SLC2A9: variants seen among roughly 807,000 people sequenced by gnomAD.
The protein encoded by SLC2A9 is solute carrier family 2 member 9.
In SLC2A9, 39 loss-of-function variants were observed where a neutral mutation model predicts 50.6. The ratio of observed to expected loss-of-function variants is 0.77; its 90% confidence interval spans 0.60 to 1.01. The LOEUF is 1.01. SLC2A9 is among the 50% of genes least tolerant of loss of function. The pLI, the probability that SLC2A9 is intolerant of heterozygous loss-of-function variation, is 0.00. For synonymous variants in SLC2A9, 324 were observed against 276.9 expected (o/e 1.17, Z -1.69); for missense variants, 686 against 677.6 (o/e 1.01, Z -0.14).
intron 4 of SLC2A9, among the ~76,000 whole-genome samples, chr4:9,984,833 T>C (rs1009577660): frequency 6.6e-6 from 1 of 152,118 alleles, no homozygotes; most frequent in African/African-American, 2.4e-5. Context: ...AACCAGTCCA[T>C]GTCACATTCA....
intron 3 of SLC2A9, among the ~76,000 whole-genome samples, chr4:9,804,635 T>C (rs1721887046): frequency 6.6e-6 from 1 of 152,174 alleles, no homozygotes. Context: ...ATATCCTGTC[T>C]TTGGCCAAAT....
chr4:9,974,399 G>A (rs893461188), intron 5 of SLC2A9, among the ~76,000 whole-genome samples: 2 of 152,034 alleles, frequency 1.3e-5, no homozygotes, highest in South Asian at 4.1e-4. Flanking sequence ...GAACTGACAG[G>A]GGATTTCAGG....
chr4:9,911,985 T>G (rs1458451152), intron 7 of SLC2A9, among the ~76,000 whole-genome samples: 9 of 152,150 alleles, frequency 5.9e-5, no homozygotes, highest in Non-Finnish European at 1.2e-4. Flanking sequence ...TTCATGTCCT[T>G]TGTAGGGACA....
At chr4:9,829,471 C>CAAA (rs33935471) in intron 11 of SLC2A9, among the ~76,000 whole-genome samples, 6,351 of 135,738 alleles carry the variant, frequency 0.047, 489 homozygotes, top group African/African-American at 0.16. Flanking sequence ...ACAAAAATGT[C>CAAA]AAAAAAAAAA....
chr4:9,967,274 T>A (rs1753191782), intron 5 of SLC2A9, among the ~76,000 whole-genome samples: 1 of 152,214 alleles, frequency 6.6e-6, no homozygotes. Context: ...TACAAAAAGT[T>A]ATAAATGGAA....
intron 4 of SLC2A9, 26 bp downstream of exon 4, chr4:9,985,643 C>T: frequency 5.0e-6 from 8 of 1,613,796 alleles, no homozygotes; most frequent in Non-Finnish European, 6.8e-6. Context: ...TGTTACTGTT[C>T]CCTCCCCGTC....
intron 1 of SLC2A9, chr4:10,019,399 T>C: frequency 2.3e-6 from 1 of 427,672 alleles, no homozygotes; most frequent in East Asian, 4.4e-5. Context: ...TTGGCGAGTG[T>C]CCGACCCAGA....
At chr4:9,910,879 T>A (rs1163340048) in intron 7 of SLC2A9, among the ~76,000 whole-genome samples, 1 of 151,970 alleles carries the variant, frequency 6.6e-6, no homozygotes, top group Non-Finnish European at 1.5e-5. Context: ...ACCATCATTC[T>A]CAGCAAACTA....
At chr4:10,008,533 T>G (rs1400669650) in intron 2 of SLC2A9, among the ~76,000 whole-genome samples, 3 of 152,238 alleles carry the variant, frequency 2.0e-5, no homozygotes, top group Admixed American at 1.3e-4. Context: ...AGCTCCACAC[T>G]GCTGTTAAAC....
chr4:10,025,977 T>C (rs769125127), upstream of SLC2A9: 4 of 1,614,058 alleles, frequency 2.5e-6, no homozygotes, highest in South Asian at 4.4e-5. Flanking sequence ...GGTTCACTTT[T>C]CAGGTTTTGA....
intron 8 of SLC2A9, 134 bp downstream of exon 8, chr4:9,908,101 T>A (rs2109977493): frequency 2.8e-6 from 2 of 726,646 alleles, no homozygotes; most frequent in South Asian, 3.0e-5. Context: ...GTTTGCTGAA[T>A]GATAGGAAAC....
chr4:9,826,666 T>G, intron 11 of SLC2A9, 66 bp from the exon 12 acceptor site: 2 of 1,452,512 alleles, frequency 1.4e-6, no homozygotes, highest in Non-Finnish European at 1.9e-6. Flanking sequence ...AAACCATCTC[T>G]ACACAGATTT....
At chr4:9,989,245 T>C (rs2109195200) in intron 3 of SLC2A9, among the ~76,000 whole-genome samples, 1 of 152,330 alleles carries the variant, frequency 6.6e-6, no homozygotes, top group East Asian at 1.9e-4. Flanking sequence ...ACTGGGCATC[T>C]ACAAAGCTCA....
chr4:9,874,287 A>G (rs948652422), intron 10 of SLC2A9, among the ~76,000 whole-genome samples: 1 of 152,198 alleles, frequency 6.6e-6, no homozygotes, highest in Non-Finnish European at 1.5e-5. Context: ...ATATTTTACA[A>G]GTTAGTACAT....
rs185133641 is a variant in SLC2A9, at chr4:9,802,451, G to A, written n.421-3210C>T. On this transcript the variant is annotated intron_variant and non_coding_transcript_variant, in intron 3 of 3. Coordinates refer to the SLC2A9 transcript ENST00000503280. ...CTTGGGAAGGAAGGGCTCTGTGGCC[G>A]ATATGATATGGAGGAAGGGACTGGG... 3.3e-5 allele frequency among the ~76,000 whole-genome samples: 5 copies of A among 152,054 alleles called. No homozygotes were observed. The East Asian group carries it at 7.7e-4, about 23-fold the overall frequency.
intron 1 of SLC2A9, among the ~76,000 whole-genome samples, chr4:10,032,219 GA>G (rs1337650628): frequency 1.3e-5 from 2 of 152,174 alleles, no homozygotes; most frequent in African/African-American, 4.8e-5. Context: ...AAGGTGATGA[GA>G]GAGGCAATAT....
downstream of SLC2A9, among the ~76,000 whole-genome samples, chr4:9,825,276 T>A (rs998667686): frequency 2.0e-5 from 3 of 152,226 alleles, no homozygotes; most frequent in Admixed American, 2.0e-4. Flanking sequence ...CTTTAGCATG[T>A]AAGAGTTAGA....
Position 9,985,333 on chromosome 4 carries a change from T to C in SLC2A9, c.535+336A>G, listed in dbSNP as rs146779882. Among the ~76,000 whole-genome samples, 27 of 152,136 alleles carry C rather than the reference T, an allele frequency of 1.8e-4. No individual in the cohort carries two copies. The East Asian group carries it at 5.0e-3, about 28-fold the overall frequency. On this transcript the variant is annotated intron_variant, in intron 4 of 11. Coordinates refer to ENST00000264784, the MANE Select transcript of SLC2A9 (RefSeq NM_020041.3). ...GCCCAGAGAAGAAACCCCATCCTCA[T>C]AAAAGCCCCATGAAAACCACAAATA...
chr4:9,861,522 GT>G (rs1731645826), intron 10 of SLC2A9, among the ~76,000 whole-genome samples: 1 of 152,128 alleles, frequency 6.6e-6, no homozygotes, highest in Non-Finnish European at 1.5e-5. Flanking sequence ...ATATTTTCAT[GT>G]GTTTACAATA....
Sources: allele counts gnomAD v4.1 joint callset (sites outside exome capture counted in the v4.1 genomes callset), GRCh38; gene constraint gnomAD v4.1.1; transcripts MANE v1.5; gene names NCBI Gene and HGNC (gene_info 2026-07-23, HGNC 2026-07-21).